The following BTBD3 variants were observed in gnomAD, a reference collection of about 807,000 sequenced individuals.
The protein encoded by BTBD3 is BTB domain containing 3.
In BTBD3, 14 loss-of-function variants were observed where a neutral mutation model predicts 41.6. That is an observed-to-expected ratio of 0.34 (90% CI 0.22 to 0.53). BTBD3 has a LOEUF of 0.53. Among genes scored for constraint, BTBD3 ranks in the 20% least tolerant of loss-of-function variants. The pLI, the probability that BTBD3 is intolerant of heterozygous loss-of-function variation, is 0.95. For synonymous variants in BTBD3, 249 were observed against 233.7 expected (o/e 1.07, Z -0.60); for missense variants, 426 against 654.7 (o/e 0.65, Z 3.81).
chr20:11,895,651 G>A (rs113749758), intron 1 of BTBD3, among the ~76,000 whole-genome samples: 1,884 of 152,274 alleles, frequency 0.012, 31 homozygotes, highest in African/African-American at 0.043. Flanking sequence ...AGACTTACCT[G>A]TTTACCTACT....
upstream of BTBD3, among the ~76,000 whole-genome samples, chr20:11,916,757 C>T (rs2056920248): frequency 6.6e-6 from 1 of 152,136 alleles, no homozygotes; most frequent in Non-Finnish European, 1.5e-5. Context: ...ATGAAGGGTG[C>T]ATTTGCCTGA....
At chr20:11,911,379 T>A (rs918405916) in intron 1 of BTBD3, among the ~76,000 whole-genome samples, 1 of 152,212 alleles carries the variant, frequency 6.6e-6, no homozygotes, top group Non-Finnish European at 1.5e-5. Context: ...ATTATACAGA[T>A]TTTTTAAATC....
Position 11,923,268 on chromosome 20 carries a change from C to T in BTBD3, c.1171C>T (p.Arg391Cys), listed in dbSNP as rs930540638. ...CAYRSNQWRY[R>C]GRCDSIQFAV... ...CTATCGAAGCAACCAATGGCGCTAT[C>T]GTGGTCGCTGTGACAGCATCCAGTT... The change falls in exon 4 of 4, where the codon CGT (arginine) becomes TGT (cysteine). Residue 391 changes from arginine to cysteine, a missense_variant. Physicochemically the swap from Arg to Cys is radical, Grantham distance 180. This residue lies in a region of BTBD3 where 321 missense variants were observed against 534.8 expected (regional missense o/e 0.60). Coordinates refer to ENST00000378226, the MANE Select transcript of BTBD3 (RefSeq NM_014962.4). The surrounding 1 kb of genome is among the most constrained non-coding windows in gnomAD (Gnocchi z 5.3). The T allele has an allele frequency of 1.2e-6, 2 of 1,614,210 alleles. No individual in the cohort carries two copies. Among genetic ancestry groups the T allele is most frequent in the Non-Finnish European group, 1.7e-6 (2 of 1,180,048 alleles).
intron 1 of BTBD3, among the ~76,000 whole-genome samples, chr20:11,912,269 G>C (rs886799295): frequency 6.6e-6 from 1 of 152,174 alleles, no homozygotes; most frequent in Non-Finnish European, 1.5e-5. Context: ...CTCCTTGCAG[G>C]AGGCTGTCTC....
At chr20:11,890,869 C>G (rs1568604941) in exon 1 of BTBD3, 1 of 985,114 alleles carries the variant, frequency 1.0e-6, no homozygotes, top group South Asian at 4.7e-5. Flanking sequence ...GCTGGATCTC[C>G]GAGTGCCCCG....
At chr20:11,911,775 C>G (rs1389694402) in intron 1 of BTBD3, among the ~76,000 whole-genome samples, 1 of 152,074 alleles carries the variant, frequency 6.6e-6, no homozygotes, top group Non-Finnish European at 1.5e-5. Flanking sequence ...CTTTAAATAG[C>G]CATCTTCAGA....
At chr20:11,898,185 T>G (rs987845802) in intron 1 of BTBD3, among the ~76,000 whole-genome samples, 1 of 151,902 alleles carries the variant, frequency 6.6e-6, no homozygotes, top group African/African-American at 2.4e-5. Context: ...AAATAAAAAT[T>G]AAAAAGCCCT....
At chr20:11,900,051 G>A (rs1396637212) in intron 1 of BTBD3, among the ~76,000 whole-genome samples, 2 of 152,122 alleles carry the variant, frequency 1.3e-5, no homozygotes, top group Admixed American at 6.5e-5. Flanking sequence ...TTTCTATGAT[G>A]CTATATAAGT....
rs1465498878 is a variant in BTBD3 at position 11,925,605 on chromosome 20, A to G, written c.*1939A>G. 1 of 152,656 alleles carries G rather than the reference A, an allele frequency of 6.6e-6. No individual in the cohort carries two copies. Among genetic ancestry groups the G allele is most frequent in the Non-Finnish European group, 1.5e-5 (1 of 68,040 alleles). The allele number at this position is 152,656 out of a possible 1,614,324, so 9.5% of individuals were successfully genotyped here. On this transcript the variant is annotated 3_prime_UTR_variant, in exon 4 of 4. Coordinates refer to ENST00000378226, the MANE Select transcript of BTBD3 (RefSeq NM_014962.4). Reference sequence around the variant, plus strand: ...GCAAAGCATTGAAGTACAAAGGTACATTTTCAATTAAAAAGCACACTTCTA... The same window carrying G: ...GCAAAGCATTGAAGTACAAAGGTACGTTTTCAATTAAAAAGCACACTTCTA...
In BTBD3 at chr20:11,923,677, C is replaced by T; in HGVS notation, c.*11C>T. 1 of 1,573,126 alleles carries T rather than the reference C, an allele frequency of 6.4e-7. No individual in the cohort carries two copies. The highest frequency in any genetic ancestry group is 8.6e-7 in the Non-Finnish European group (1 of 1,159,076). On this transcript the variant is annotated 3_prime_UTR_variant, in exon 4 of 4. Transcript: ENST00000378226. The surrounding 1 kb of genome is among the most constrained non-coding windows in gnomAD (Gnocchi z 5.3). ...ATATTCTATGCTTGAAAACTCACTT[C>T]CTGAAGCAGCTTGAGCTCCAAAGTG...
chr20:11,910,574 A>G (rs891181031), intron 1 of BTBD3: 4 of 152,226 alleles, frequency 2.6e-5, no homozygotes, highest in Non-Finnish European at 4.4e-5. Flanking sequence ...CTCTTAAGCT[A>G]ACATTTTAAT....
chr20:11,891,054 G>A (rs2056748481), intron 1 of BTBD3: 1 of 842,680 alleles, frequency 1.2e-6, no homozygotes, highest in Non-Finnish European at 1.4e-6. Context: ...GGCCGGAGGG[G>A]CCGAGCGAAG....
intron 1 of BTBD3, among the ~76,000 whole-genome samples, chr20:11,902,363 A>G (rs1394071632): frequency 6.6e-6 from 1 of 152,200 alleles, no homozygotes; most frequent in Admixed American, 6.5e-5. Flanking sequence ...TACAGACCTC[A>G]ATCTACAGTA....
Position 11,926,298 on chromosome 20 carries a change from A to G in BTBD3, c.*2632A>G, listed in dbSNP as rs1012219908. The G allele has an allele frequency of 1.1e-4, 17 of 152,658 alleles. No individual in the cohort carries two copies. The highest frequency in any genetic ancestry group is 3.6e-4 in the African/African-American group (15 of 41,454). 9.5% of individuals were successfully genotyped at this position (152,658 alleles called of 1,614,324 possible). A position where few individuals can be genotyped will look rare whatever the true frequency, so the allele number is the denominator to read the frequency against. ...AGTTCTAATGTGACATTCTTTAAGCATATCTTAAAATAGTATTTAAGTAAA... is the reference window on the plus strand; with the variant it reads ...AGTTCTAATGTGACATTCTTTAAGCGTATCTTAAAATAGTATTTAAGTAAA... On this transcript the variant is annotated 3_prime_UTR_variant, in exon 4 of 4. Coordinates refer to ENST00000378226, the MANE Select transcript of BTBD3 (RefSeq NM_014962.4).
intron 1 of BTBD3, 65 bp downstream of exon 1, chr20:11,918,666 A>C (rs1479419061): frequency 3.4e-6 from 5 of 1,458,102 alleles, no homozygotes; most frequent in Non-Finnish European, 4.6e-6. Flanking sequence ...GCTTTTGCAA[A>C]ACCTGTAATG....
At chr20:11,904,586 CTTAA>C (rs1255793273) in intron 1 of BTBD3, among the ~76,000 whole-genome samples, 4 of 152,112 alleles carry the variant, frequency 2.6e-5, no homozygotes, top group Non-Finnish European at 4.4e-5. Flanking sequence ...TTTTTATACT[CTTAA>C]TTATTTTCAA....
intron 1 of BTBD3, chr20:11,909,668 A>G (rs967932758): frequency 6.6e-6 from 1 of 152,214 alleles, no homozygotes; most frequent in Non-Finnish European, 1.5e-5. Context: ...AACAAAGGAT[A>G]GCATTTCATT....
intron 1 of BTBD3, among the ~76,000 whole-genome samples, chr20:11,901,290 GTC>G (rs542774979): frequency 6.6e-6 from 1 of 152,178 alleles, no homozygotes; most frequent in Non-Finnish European, 1.5e-5. Flanking sequence ...AGAGTGCTCT[GTC>G]TCTTCCTGTG....
At chr20:11,900,244 A>T (rs764630814) in intron 1 of BTBD3, among the ~76,000 whole-genome samples, 2 of 152,224 alleles carry the variant, frequency 1.3e-5, no homozygotes, top group African/African-American at 4.8e-5. Flanking sequence ...TTCTTTTGAA[A>T]ATAGTGCTGT....
Sources: allele counts gnomAD v4.1 joint callset (sites outside exome capture counted in the v4.1 genomes callset), GRCh38; gene constraint gnomAD v4.1.1; regional missense constraint gnomAD v4.1.1; non-coding constraint Gnocchi (gnomAD v3.1); transcripts MANE v1.5; gene names NCBI Gene and HGNC (gene_info 2026-07-23, HGNC 2026-07-21).